The following P3H2 variants were observed in gnomAD, a reference collection of about 807,000 sequenced individuals.
P3H2 encodes prolyl 3-hydroxylase 2.
Under a neutral mutation model 87.0 loss-of-function variants are expected in P3H2, and 80 were observed. The ratio of observed to expected loss-of-function variants is 0.92; its 90% confidence interval spans 0.77 to 1.11. P3H2 has a LOEUF of 1.11. Among genes scored for constraint, P3H2 ranks in the 50% least tolerant of loss-of-function variants. The probability of loss-of-function intolerance (pLI) is 0.00; values close to 1 mark genes in which losing one functional copy is unlikely to be tolerated. For missense variants in P3H2, 1,001 were observed against 923.9 expected, an observed-to-expected ratio of 1.08 and a Z score of -1.08; for synonymous variants, 367 against 359.3, an observed-to-expected ratio of 1.02 and a Z score of -0.24.
At chr3:190,086,697 G>T (rs532529791) in intron 1 of P3H2, among the ~76,000 whole-genome samples, 2 of 152,240 alleles carry the variant, frequency 1.3e-5, no homozygotes, top group Admixed American at 6.5e-5. Context: ...CTAGCCCAGG[G>T]ACTCAACCAG....
At chr3:190,026,741 T>C (rs1194476372) in intron 1 of P3H2, among the ~76,000 whole-genome samples, 1 of 152,206 alleles carries the variant, frequency 6.6e-6, no homozygotes, top group Non-Finnish European at 1.5e-5. Flanking sequence ...CCCTGAATTC[T>C]TTCTTGCGGG....
intron 3 of P3H2, among the ~76,000 whole-genome samples, chr3:189,989,961 A>G (rs1723827558): frequency 6.6e-6 from 1 of 152,250 alleles, no homozygotes; most frequent in Non-Finnish European, 1.5e-5. Context: ...TGTATTTTCC[A>G]GCAAGAAAGA....
intron 1 of P3H2, among the ~76,000 whole-genome samples, chr3:190,103,473 A>C (rs542768321): frequency 6.6e-6 from 1 of 152,332 alleles, no homozygotes; most frequent in South Asian, 2.1e-4. Flanking sequence ...TTTTCCATAA[A>C]TAACACATTA....
chr3:190,078,146 A>G (rs1369670531), intron 1 of P3H2, among the ~76,000 whole-genome samples: 3 of 152,196 alleles, frequency 2.0e-5, no homozygotes, highest in Non-Finnish European at 2.9e-5. Context: ...TTGTAAGTAG[A>G]TAAGTTGAGG....
intron 13 of P3H2, among the ~76,000 whole-genome samples, chr3:189,966,050 AAGAAAGAAAGAAAG>A (rs946075617): frequency 1.4e-5 from 2 of 146,000 alleles, no homozygotes; most frequent in African/African-American, 2.7e-5. Flanking sequence ...AAAGAAAAGA[AAGAAAGAAAGAAAG>A]AGAAAGAAGG....
chr3:189,978,677 A>G (rs1723427043), intron 8 of P3H2, among the ~76,000 whole-genome samples: 1 of 151,916 alleles, frequency 6.6e-6, no homozygotes, highest in African/African-American at 2.4e-5. Flanking sequence ...CCCATCACCC[A>G]TCAACTAACC....
At chr3:190,000,415 C>T (rs1577264282) in intron 1 of P3H2, among the ~76,000 whole-genome samples, 1 of 152,198 alleles carries the variant, frequency 6.6e-6, no homozygotes, top group Non-Finnish European at 1.5e-5. Flanking sequence ...CAAAGGCCCT[C>T]CTTTCTATAA....
intron 9 of P3H2, 148 bp downstream of exon 9, chr3:189,974,410 A>G: frequency 9.1e-7 from 1 of 1,104,634 alleles, no homozygotes; most frequent in African/African-American, 1.6e-5. Flanking sequence ...AGGCTATAAA[A>G]GTTCCTCAAA....
chr3:190,005,052 T>C (rs1724344836), intron 1 of P3H2, among the ~76,000 whole-genome samples: 1 of 152,248 alleles, frequency 6.6e-6, no homozygotes, highest in South Asian at 2.1e-4. Flanking sequence ...ACAAATCATT[T>C]GAATTTGTCA....
At chr3:189,959,858 ATATGTGTGTGTGTGTGTGTG>A (rs1393091750) in intron 14 of P3H2, among the ~76,000 whole-genome samples, 60 of 131,184 alleles carry the variant, frequency 4.6e-4, no homozygotes, top group African/African-American at 1.7e-3. Flanking sequence ...ACTGGAGGAG[ATATGTGTGTGTGTGTGTGTG>A]TGTGTGTGTG....
At position 190,057,378 on chromosome 3, in the gene P3H2, T is replaced by C. The variant is rs113376136; in HGVS notation, c.481-61936A>G. 2.9e-3 allele frequency among the ~76,000 whole-genome samples: 449 copies of C among 152,266 alleles called. 3 individuals carry two copies. Among genetic ancestry groups the C allele is most frequent in the African/African-American group, 0.01 (424 of 41,560 alleles). On this transcript the variant is annotated intron_variant, in intron 1 of 14. Transcript: ENST00000319332. ...TTTTCTGTGTTAGGAGTAAGAACCATGGAAGGCTAAGTCCCAGGGATGTAT... is the reference window on the plus strand; with the variant it reads ...TTTTCTGTGTTAGGAGTAAGAACCACGGAAGGCTAAGTCCCAGGGATGTAT...
chr3:190,106,589 T>G (rs1711847018), intron 1 of P3H2, among the ~76,000 whole-genome samples: 1 of 152,102 alleles, frequency 6.6e-6, no homozygotes, highest in Non-Finnish European at 1.5e-5. Flanking sequence ...AAAATAGGTA[T>G]GATTATTGTC....
intron 1 of P3H2, among the ~76,000 whole-genome samples, chr3:190,034,079 T>TA: frequency 6.6e-6 from 1 of 152,292 alleles, no homozygotes; most frequent in East Asian, 1.9e-4. Context: ...CACGATGTTA[T>TA]AAAAAAAGAT....
intron 1 of P3H2, among the ~76,000 whole-genome samples, chr3:190,066,143 G>GTATATATATATATATATA (rs60898721): frequency 7.2e-6 from 1 of 138,764 alleles, no homozygotes; most frequent in African/African-American, 2.9e-5. Flanking sequence ...ACTGTGGTGT[G>GTATATATATATATATATA]TATATATATA....
At chr3:190,033,833 A>C (rs754983) in intron 1 of P3H2, among the ~76,000 whole-genome samples, 122,049 of 151,764 alleles carry the variant, frequency 0.8, 49,125 homozygotes, top group East Asian at 0.86. Flanking sequence ...TTTTTCCAAC[A>C]AAAAATGGAT....
intron 8 of P3H2, among the ~76,000 whole-genome samples, chr3:189,978,647 C>A (rs1275467773): frequency 1.3e-5 from 2 of 151,450 alleles, no homozygotes; most frequent in African/African-American, 4.9e-5. Flanking sequence ...ATTTTCCACA[C>A]GTACATTTAA....
At chr3:190,026,259 GACGTTT>G (rs1725081405) in intron 1 of P3H2, among the ~76,000 whole-genome samples, 1 of 152,110 alleles carries the variant, frequency 6.6e-6, no homozygotes, top group South Asian at 2.1e-4. Context: ...TTGTGTCAGA[GACGTTT>G]GAACCAGAGC....
chr3:190,045,766 C>T (rs1009071591), intron 1 of P3H2, among the ~76,000 whole-genome samples: 2 of 125,978 alleles, frequency 1.6e-5, no homozygotes, highest in Admixed American at 1.9e-4. Context: ...AAGATAATTT[C>T]GTCTTTCCTG....
rs1463017284 is a variant in P3H2 at position 189,957,950 on chromosome 3, T to A, written c.2089A>T (p.Lys697Ter). The change falls in exon 15 of 15, where the codon AAG (lysine) becomes TAG (stop). Residue 697 changes from lysine (K) to a stop codon, truncating the protein, a stop_gained. Transcript: ENST00000319332. LOFTEE classifies it high-confidence loss of function. Reference sequence around the variant, plus strand: ...TTAGGGTTGATATTCAGTTCATGCTTCCCTTGCTGTTCTTGATCCAGAATT... The same window carrying A: ...TTAGGGTTGATATTCAGTTCATGCTACCCTTGCTGTTCTTGATCCAGAATT... Reference protein sequence around the residue: ...IAILDQEQQGKHELNINPKDE... With the variant: ...IAILDQEQQG 1 of 1,613,596 alleles carries A rather than the reference T, an allele frequency of 6.2e-7. No individual in the cohort carries two copies.
Sources: gnomAD v4.1 joint callset for allele counts (sites outside exome capture counted in the v4.1 genomes callset) on GRCh38, gnomAD v4.1.1 for gene constraint, MANE v1.5 for transcripts, NCBI Gene and HGNC (gene_info 2026-07-23, HGNC 2026-07-21) for gene names.